Variants in WNT9A observed in about 807,000 individuals in gnomAD.
WNT9A encodes the protein protein Wnt-9a.
WNT9A carries 8 observed loss-of-function variants against 31.4 expected under a neutral mutation model. The observed-to-expected ratio is 0.26, with a 90% CI of 0.15 to 0.46. The LOEUF (loss-of-function observed/expected upper bound fraction) is 0.46. Ranked by LOEUF, WNT9A falls within the 20% of genes least tolerant of loss-of-function variation. WNT9A has a pLI of 0.99. For missense variants in WNT9A, 457 were observed against 522.9 expected, an observed-to-expected ratio of 0.87 and a Z score of 1.23; for synonymous variants, 236 against 220.1, an observed-to-expected ratio of 1.07 and a Z score of -0.64.
intron 1 of WNT9A, among the ~76,000 whole-genome samples, chr1:227,938,542 T>C (rs566192372): frequency 5.1e-4 from 77 of 152,006 alleles, no homozygotes; most frequent in African/African-American, 1.7e-3. Context: ...CACACCCATA[T>C]GAACCCGTAA....
chr1:227,932,402 C>T (rs1666528250), intron 1 of WNT9A, among the ~76,000 whole-genome samples: 2 of 152,232 alleles, frequency 1.3e-5, no homozygotes, highest in Non-Finnish European at 2.9e-5. Context: ...GCTTCCACCA[C>T]ATCTGCAGTG....
At chr1:227,933,688 G>A (rs751234868) in intron 1 of WNT9A, among the ~76,000 whole-genome samples, 1 of 152,150 alleles carries the variant, frequency 6.6e-6, no homozygotes, top group Non-Finnish European at 1.5e-5. Context: ...GTCTCAGGAC[G>A]TGCTTGTGAC....
chr1:227,923,747 G>T (rs537841780), intron 3 of WNT9A, among the ~76,000 whole-genome samples: 1 of 152,078 alleles, frequency 6.6e-6, no homozygotes, highest in Non-Finnish European at 1.5e-5. Flanking sequence ...TCCTCCCACC[G>T]GTCTTCGTGA....
In WNT9A at chr1:227,921,485, CCCTGTGCAGCAG is replaced by C. The variant is rs1558257548; in HGVS notation, c.*21_*32del. 6 of 1,586,438 alleles carry C rather than the reference CCCTGTGCAGCAG, an allele frequency of 3.8e-6. No individual in the cohort carries two copies. Among genetic ancestry groups the C allele is most frequent in the Non-Finnish European group, 5.2e-6 (6 of 1,164,944 alleles). On this transcript the variant is annotated 3_prime_UTR_variant, in exon 4 of 4. Coordinates refer to ENST00000272164, the MANE Select transcript of WNT9A (RefSeq NM_003395.4). Reference sequence around the variant, plus strand: ...CTTCACACCGTGTGCAATGCCTGCACCCTGTGCAGCAGGGCTGGCAGGGCCTGGGAACTCAGC... The same window carrying C: ...CTTCACACCGTGTGCAATGCCTGCACGGCTGGCAGGGCCTGGGAACTCAGC...
At chr1:227,940,384 G>A (rs561622903) in intron 1 of WNT9A, among the ~76,000 whole-genome samples, 25 of 152,274 alleles carry the variant, frequency 1.6e-4, no homozygotes, top group African/African-American at 4.1e-4. Flanking sequence ...CCAGACAGCC[G>A]CAGACCCACA....
intron 1 of WNT9A, among the ~76,000 whole-genome samples, chr1:227,930,346 C>A (rs1666488692): frequency 6.6e-6 from 1 of 152,180 alleles, no homozygotes; most frequent in Non-Finnish European, 1.5e-5. Flanking sequence ...CCGGACCAAG[C>A]AAAGACCCAA....
At chr1:227,938,558 T>C (rs988603794) in intron 1 of WNT9A, among the ~76,000 whole-genome samples, 2 of 151,464 alleles carry the variant, frequency 1.3e-5, no homozygotes, top group East Asian at 2.0e-4. Context: ...CGTAAACCGA[T>C]AGAGATGCAC....
chr1:227,935,886 T>C (rs1409286654), intron 1 of WNT9A, among the ~76,000 whole-genome samples: 3 of 152,226 alleles, frequency 2.0e-5, no homozygotes, highest in Non-Finnish European at 4.4e-5. Context: ...CTTCTCTACC[T>C]GGGCAGCACA....
Position 227,919,684 on chromosome 1 carries a change from T to TACACAC in WNT9A, c.*1833_*1834insGTGTGT. On this transcript the variant is annotated 3_prime_UTR_variant, in exon 4 of 4. Transcript: ENST00000272164. The stretch of plus-strand genomic sequence containing the variant: ...AGCACAGCCAAGCTGACCATGCCAG[T>TACACAC]ATACACACACACACACACACACACA... 1 of 23,776 alleles carries TACACAC rather than the reference T, an allele frequency of 4.2e-5. No individual in the cohort carries two copies. Among genetic ancestry groups the TACACAC allele is most frequent in the African/African-American group, 3.0e-4 (1 of 3,370 alleles). 1.5% of individuals were successfully genotyped at this position (23,776 alleles called of 1,614,324 possible).
At chr1:227,933,559 A>G (rs559210693) in intron 1 of WNT9A, among the ~76,000 whole-genome samples, 3 of 152,330 alleles carry the variant, frequency 2.0e-5, no homozygotes, top group Middle Eastern at 3.4e-3. Context: ...GGCTTTGGAC[A>G]TGCCTTCCTC....
chr1:227,937,975 G>A (rs1666624027), intron 1 of WNT9A, among the ~76,000 whole-genome samples: 1 of 152,186 alleles, frequency 6.6e-6, no homozygotes, highest in South Asian at 2.1e-4. Context: ...AGGCCTCAGC[G>A]CACACGTGGT....
At chr1:227,929,284 T>C (rs1666470671) in intron 1 of WNT9A, among the ~76,000 whole-genome samples, 1 of 152,212 alleles carries the variant, frequency 6.6e-6, no homozygotes, top group South Asian at 2.1e-4. Context: ...ACTATATTGA[T>C]ACATTATGCT....
In WNT9A at chr1:227,919,942, T is replaced by C. The variant is rs3856330; in HGVS notation, c.*1576A>G. ...CACACAACAGCAGGGCCATAAAGCA[T>C]GGCGTTCCATGGCCAGATGCGAGCC... On this transcript the variant is annotated 3_prime_UTR_variant, in exon 4 of 4. Coordinates refer to ENST00000272164, the MANE Select transcript of WNT9A (RefSeq NM_003395.4). 112,792 of 152,252 alleles carry C rather than the reference T, an allele frequency of 0.74. 42,090 individuals are homozygous for C. The highest frequency in any genetic ancestry group is 0.84 in the African/African-American group (34,839 of 41,502). The allele number at this position is 152,252 out of a possible 1,614,324, so 9.4% of individuals were successfully genotyped here.
At chr1:227,924,824 A>T (rs1666389068) in intron 2 of WNT9A, among the ~76,000 whole-genome samples, 1 of 152,130 alleles carries the variant, frequency 6.6e-6, no homozygotes, top group African/African-American at 2.4e-5. Flanking sequence ...TTGCTGAAAT[A>T]GGCAGTGGAG....
intron 1 of WNT9A, among the ~76,000 whole-genome samples, chr1:227,947,018 G>T (rs1666805529): frequency 6.6e-6 from 1 of 152,178 alleles, no homozygotes; most frequent in Non-Finnish European, 1.5e-5. Context: ...CGCCCAAAGC[G>T]CAGCGAGGGT....
chr1:227,922,122 C>T (rs763511985), intron 3 of WNT9A, 122 bp from the exon 4 acceptor site: 99 of 1,413,678 alleles, frequency 7.0e-5, no homozygotes, highest in Non-Finnish European at 8.9e-5. Flanking sequence ...GCCCTGCCGG[C>T]GGGCGTCACC....
At position 227,925,613 on chromosome 1, in the gene WNT9A, T is replaced by G; in HGVS notation, c.96-94A>C. The G allele has an allele frequency of 7.1e-7, 1 of 1,418,024 alleles. No individual in the cohort carries two copies. Among genetic ancestry groups the G allele is most frequent in the Admixed American group, 2.9e-5 (1 of 34,182 alleles). 87.8% of individuals were successfully genotyped at this position (1,418,024 alleles called of 1,614,324 possible). A position where few individuals can be genotyped will look rare whatever the true frequency, so the allele number is the denominator to read the frequency against. On this transcript the variant is annotated intron_variant, in intron 1 of 3. Transcript: ENST00000272164. This position sits in a 1 kb window ranked among gnomAD's most constrained non-coding sequence, Gnocchi z 6.0. ...GTGGCCAGGGTACAGGGGACAGGCG[T>G]GTCCATCCGGGGGTGAGGGGGCAGA...
chr1:227,940,186 C>T (rs558188669), intron 1 of WNT9A, among the ~76,000 whole-genome samples: 1 of 152,252 alleles, frequency 6.6e-6, no homozygotes, highest in Non-Finnish European at 1.5e-5. Context: ...CAGCCCAGCT[C>T]CCCCAGGCTA....
intron 1 of WNT9A, among the ~76,000 whole-genome samples, chr1:227,946,685 A>C (rs574140595): frequency 2.6e-5 from 4 of 152,220 alleles, no homozygotes; most frequent in Non-Finnish European, 4.4e-5. Flanking sequence ...AAAATATTTT[A>C]TTTTCTTTGA....
Sources: gnomAD v4.1 joint callset for allele counts (sites outside exome capture counted in the v4.1 genomes callset) on GRCh38, gnomAD v4.1.1 for gene constraint, Gnocchi (gnomAD v3.1) non-coding constraint, MANE v1.5 for transcripts, NCBI Gene and HGNC (gene_info 2026-07-23, HGNC 2026-07-21) for gene names.